The following DOCK1 variants were observed in gnomAD, a reference collection of about 807,000 sequenced individuals.
The protein encoded by DOCK1 is dedicator of cytokinesis protein 1.
DOCK1 carries 138 observed loss-of-function variants against 262.7 expected under a neutral mutation model. The ratio of observed to expected loss-of-function variants is 0.53; its 90% confidence interval spans 0.46 to 0.61. The LOEUF (loss-of-function observed/expected upper bound fraction) is 0.61, where lower values mean the gene tolerates loss of function less well. Ranked by LOEUF, DOCK1 falls within the 20% of genes least tolerant of loss-of-function variation. The probability of loss-of-function intolerance (pLI) is 0.00; values close to 1 mark genes in which losing one functional copy is unlikely to be tolerated. For missense variants in DOCK1, 1,908 were observed against 2,370.7 expected (o/e 0.80, Z 4.05); for synonymous variants, 866 against 867.4 (o/e 1.00, Z 0.03).
intron 25 of DOCK1, among the ~76,000 whole-genome samples, chr10:127,114,596 G>A (rs1285566971): frequency 6.6e-6 from 1 of 151,272 alleles, no homozygotes; most frequent in Non-Finnish European, 1.5e-5. Context: ...GGAGGGGGGT[G>A]CAGTTCAGAT....
intron 5 of DOCK1, among the ~76,000 whole-genome samples, chr10:126,988,680 TGA>T (rs1170868148): frequency 3.3e-5 from 5 of 152,240 alleles, no homozygotes; most frequent in African/African-American, 1.2e-4. Flanking sequence ...GTATTCTTAA[TGA>T]GCACCTTGGT....
chr10:127,026,355 G>A lies in DOCK1; in HGVS notation c.1555G>A (p.Ala519Thr), dbSNP rs1470645685. The A allele has an allele frequency of 2.6e-6, 4 of 1,564,526 alleles. No individual in the cohort carries two copies. Among genetic ancestry groups the A allele is most frequent in the Non-Finnish European group, 3.5e-6 (4 of 1,153,078 alleles). ...ACTTCTTTTTCAATTCTTGAAGGTGGCCATTCCCATCGAGGACGTTAACCG... is the reference window on the plus strand; with the variant it reads ...ACTTCTTTTTCAATTCTTGAAGGTGACCATTCCCATCGAGGACGTTAACCG... Reference protein sequence around the residue: ...QPRWFETVKVAIPIEDVNRSH... With the variant: ...QPRWFETVKVTIPIEDVNRSH... The change falls in exon 16 of 52, where the codon GCC (alanine) becomes ACC (threonine). Residue 519 changes from alanine (A) to threonine (T), a missense_variant. Physicochemically the swap from Ala to Thr is moderately conservative, Grantham distance 58 (BLOSUM62 0). Transcript: ENST00000623213.
At chr10:127,215,014 G>A (rs1023916928) in intron 27 of DOCK1, among the ~76,000 whole-genome samples, 17 of 152,178 alleles carry the variant, frequency 1.1e-4, no homozygotes, top group African/African-American at 2.7e-4. Context: ...TTTAATCATC[G>A]TGTACAGTCT....
At chr10:126,993,037 G>A (rs1187094291) in intron 6 of DOCK1, among the ~76,000 whole-genome samples, 1 of 152,228 alleles carries the variant, frequency 6.6e-6, no homozygotes, top group African/African-American at 2.4e-5. Context: ...TCTGGAAGGA[G>A]CATGGCTCTG....
intron 27 of DOCK1, among the ~76,000 whole-genome samples, chr10:127,193,537 T>C (rs61874036): frequency 0.015 from 2,321 of 152,282 alleles, 17 homozygotes; most frequent in Non-Finnish European, 0.024. Flanking sequence ...CAGAGTTCAG[T>C]AGTTGTCTCT....
intron 29 of DOCK1, among the ~76,000 whole-genome samples, chr10:127,281,867 G>A (rs1420702302): frequency 6.6e-6 from 1 of 152,066 alleles, no homozygotes; most frequent in East Asian, 1.9e-4. Flanking sequence ...AGGGAGGCAG[G>A]GATTAGGAGA....
At chr10:126,928,887 G>A (rs1195106663) in intron 1 of DOCK1, among the ~76,000 whole-genome samples, 5 of 152,254 alleles carry the variant, frequency 3.3e-5, no homozygotes, top group African/African-American at 7.2e-5. Context: ...CTGTTGGCGT[G>A]AGCCAGGAGG....
chr10:126,928,041 A>T (rs2033895981), intron 1 of DOCK1, among the ~76,000 whole-genome samples: 1 of 152,170 alleles, frequency 6.6e-6, no homozygotes, highest in Non-Finnish European at 1.5e-5. Flanking sequence ...CATACTGAAG[A>T]TACTCAGGGG....
At chr10:126,957,695 G>A (rs1297576118) in intron 1 of DOCK1, among the ~76,000 whole-genome samples, 2 of 152,066 alleles carry the variant, frequency 1.3e-5, no homozygotes, top group Non-Finnish European at 2.9e-5. Context: ...GCTCAGGCTG[G>A]TTTCGATCTC....
chr10:126,918,913 C>CA (rs2032848107), intron 1 of DOCK1, among the ~76,000 whole-genome samples: 1 of 151,772 alleles, frequency 6.6e-6, no homozygotes, highest in African/African-American at 2.4e-5. Flanking sequence ...CAGGTGGGCA[C>CA]GGAGGATTTG....
At chr10:127,127,866 C>T (rs962201019) in intron 27 of DOCK1, 102 bp downstream of exon 27, 1 of 929,888 alleles carries the variant, frequency 1.1e-6, no homozygotes, top group Non-Finnish European at 1.6e-6. Context: ...ATGTAGTGAG[C>T]AGTTGAGATA....
chr10:126,981,083 G>T (rs956159164), intron 3 of DOCK1, among the ~76,000 whole-genome samples: 8 of 152,090 alleles, frequency 5.3e-5, no homozygotes, highest in African/African-American at 1.9e-4. Context: ...GAGTAGCTGG[G>T]ACTACAGGTG....
chr10:127,067,541 G>A lies in DOCK1; in HGVS notation c.2445+5765G>A, dbSNP rs149563046. Among the ~76,000 whole-genome samples the A allele has an allele frequency of 5.4e-4, 82 of 152,194 alleles. No homozygotes were observed. In the East Asian group the frequency reaches 8.1e-3, roughly 15 times the overall value. ...TGTATGTGTGTGTGTGTATGTGTGC[G>A]TGTGTGTTGTGCATATGAAGCTGGA... On this transcript the variant is annotated intron_variant, in intron 23 of 51. Transcript: ENST00000623213.
intron 16 of DOCK1, among the ~76,000 whole-genome samples, chr10:127,027,971 A>G (rs78445128): frequency 0.21 from 30,388 of 146,938 alleles, 3,139 homozygotes; most frequent in East Asian, 0.29. Flanking sequence ...TCAATGGCAG[A>G]TGTGTGTGTG....
At chr10:127,360,587 G>A (rs57959988) in intron 32 of DOCK1, among the ~76,000 whole-genome samples, 10 of 152,320 alleles carry the variant, frequency 6.6e-5, no homozygotes, top group East Asian at 5.8e-4. Flanking sequence ...ATTTAGCATT[G>A]TGATGTCTCA....
intron 26 of DOCK1, among the ~76,000 whole-genome samples, chr10:127,125,832 C>T (rs570641585): frequency 2.0e-5 from 3 of 152,152 alleles, no homozygotes; most frequent in South Asian, 4.2e-4. Context: ...TGTGTCTTCT[C>T]GACGAAATGT....
chr10:127,156,841 T>G (rs2053133987), intron 27 of DOCK1, among the ~76,000 whole-genome samples: 1 of 152,194 alleles, frequency 6.6e-6, no homozygotes, highest in African/African-American at 2.4e-5. Context: ...GTGTTGGGAT[T>G]ACAGGCGTGT....
chr10:127,447,108 T>C (rs574552312), intron 50 of DOCK1, among the ~76,000 whole-genome samples: 1 of 152,168 alleles, frequency 6.6e-6, no homozygotes, highest in East Asian at 1.9e-4. Flanking sequence ...GAGGCCGGGG[T>C]GAACATCACC....
chr10:127,053,317 G>C (rs2044878830), intron 22 of DOCK1, among the ~76,000 whole-genome samples: 1 of 152,190 alleles, frequency 6.6e-6, no homozygotes, highest in South Asian at 2.1e-4. Context: ...ACTCCAGCCT[G>C]GGCGACAGAG....
Sources: gnomAD v4.1 joint callset for allele counts (sites outside exome capture counted in the v4.1 genomes callset) on GRCh38, gnomAD v4.1.1 for gene constraint, MANE v1.5 for transcripts, NCBI Gene and HGNC (gene_info 2026-07-23, HGNC 2026-07-21) for gene names.